Variants in TACO1 observed in about 807,000 individuals in gnomAD.
TACO1 encodes translational activator of cytochrome c oxidase 1.
TACO1 carries 13 observed loss-of-function variants against 24.0 expected under a neutral mutation model. That is an observed-to-expected ratio of 0.54 (90% CI 0.35 to 0.86). The LOEUF (loss-of-function observed/expected upper bound fraction) is 0.86. Ranked by LOEUF, TACO1 falls within the 40% of genes least tolerant of loss-of-function variation. The probability of loss-of-function intolerance (pLI) is 0.01; values close to 1 mark genes in which losing one functional copy is unlikely to be tolerated. For synonymous variants in TACO1, 149 were observed against 153.5 expected, an observed-to-expected ratio of 0.97 and a Z score of 0.22; for missense variants, 352 against 380.1, an observed-to-expected ratio of 0.93 and a Z score of 0.61.
intron 2 of TACO1, among the ~76,000 whole-genome samples, chr17:63,605,672 C>T (rs1220306848): frequency 6.6e-6 from 1 of 152,144 alleles, no homozygotes; most frequent in Non-Finnish European, 1.5e-5. Context: ...GTGGAGACAG[C>T]AACTATTTTC....
In TACO1 at chr17:63,607,842, A is replaced by G; in HGVS notation, c.734A>G (p.Lys245Arg). ...DASSLHQVRK[K>R]LDSLGLCSVS... Reference sequence around the variant, plus strand: ...TCTTCACTGCACCAAGTGAGGAAGAAGCTGGACTCCCTGGGCCTGTGTTCT... The same window carrying G: ...TCTTCACTGCACCAAGTGAGGAAGAGGCTGGACTCCCTGGGCCTGTGTTCT... The change falls in exon 5 of 5, where the codon AAG (lysine) becomes AGG (arginine). Residue 245 changes from lysine to arginine, a missense_variant. Physicochemically the swap from Lys to Arg is conservative, Grantham distance 26 (BLOSUM62 2). Transcript: ENST00000258975. 4 of 1,614,186 alleles carry G rather than the reference A, an allele frequency of 2.5e-6. No individual in the cohort carries two copies. Among genetic ancestry groups the G allele is most frequent in the Non-Finnish European group, 3.4e-6 (4 of 1,180,040 alleles).
chr17:63,601,955 T>C (rs1402131312), intron 1 of TACO1, among the ~76,000 whole-genome samples: 1 of 151,990 alleles, frequency 6.6e-6, no homozygotes, highest in Non-Finnish European at 1.5e-5. Flanking sequence ...AAAAGTCCTG[T>C]AGAAAGCATG....
intron 3 of TACO1, 145 bp downstream of exon 3, chr17:63,606,585 G>A (rs948477564): frequency 2.1e-5 from 21 of 1,022,558 alleles, no homozygotes; most frequent in Middle Eastern, 2.5e-4. Flanking sequence ...CACTCTTGTC[G>A]CCCAGGCTGG....
chr17:63,606,924 C>T, intron 3 of TACO1: 1 of 386,536 alleles, frequency 2.6e-6, no homozygotes, highest in Non-Finnish European at 4.9e-6. Context: ...CTAGCAGGAT[C>T]CCAAAGACTT....
chr17:63,606,964 C>T (rs1213923312), intron 3 of TACO1: 1 of 434,706 alleles, frequency 2.3e-6, no homozygotes, highest in South Asian at 2.2e-5. Flanking sequence ...GGATCTTTGT[C>T]CTATTATCCC....
rs1306593798 is a variant in TACO1, at chr17:63,601,884, A to G, written c.280+521A>G. ...TTTGCAGCCATGTCTTTTCTCCCTT[A>G]GGTCGCCACACTGAAAAGGCTTTTT... On this transcript the variant is annotated intron_variant, in intron 1 of 4. Coordinates refer to ENST00000258975, the MANE Select transcript of TACO1 (RefSeq NM_016360.4). Among the ~76,000 whole-genome samples the G allele has an allele frequency of 2.0e-5, 3 of 152,218 alleles. No homozygotes were observed. In the East Asian group the frequency reaches 5.8e-4, roughly 29 times the overall value.
At chr17:63,601,446 C>T (rs966200606) in intron 1 of TACO1, 83 bp downstream of exon 1, 1 of 1,460,968 alleles carries the variant, frequency 6.8e-7, no homozygotes, top group South Asian at 1.2e-5. Flanking sequence ...GAATTGGGCC[C>T]ACCTAGATCT....
chr17:63,601,288 A>T lies in TACO1; in HGVS notation c.205A>T (p.Ile69Phe). ...CAACAAGTGGTCCAAAGTCAGGCAC[A>T]TCAAGGGTCCGAAGGACGTCGAAAG... Reference protein sequence around the residue: ...GHNKWSKVRHIKGPKDVERSR... With the variant: ...GHNKWSKVRHFKGPKDVERSR... The change falls in exon 1 of 5, where the codon ATC becomes TTC. Residue 69 changes from isoleucine to phenylalanine, a missense_variant. Ile to Phe is a conservative substitution (Grantham distance 21). Transcript: ENST00000258975. 1 of 1,612,946 alleles carries T rather than the reference A, an allele frequency of 6.2e-7. No homozygotes were observed. Among genetic ancestry groups the T allele is most frequent in the Non-Finnish European group, 8.5e-7 (1 of 1,179,922 alleles).
chr17:63,600,902 G>T lies in TACO1; in HGVS notation c.-182G>T. The T allele has an allele frequency of 1.6e-6, 1 of 628,240 alleles. No individual in the cohort carries two copies. The highest frequency in any genetic ancestry group is 2.7e-6 in the Non-Finnish European group (1 of 371,784). The allele number at this position is 628,240 out of a possible 1,614,324, so 38.9% of individuals were successfully genotyped here. On this transcript the variant is annotated 5_prime_UTR_variant, in exon 1 of 5. Transcript: ENST00000258975. ...ACGCCATCAAGGGCCCCCAGTCCCG[G>T]GTGCCGCGGGGACAGTGTAGGGTCA...
intron 1 of TACO1, among the ~76,000 whole-genome samples, chr17:63,601,718 C>T (rs2033823172): frequency 6.6e-6 from 1 of 152,134 alleles, no homozygotes; most frequent in South Asian, 2.1e-4. Flanking sequence ...GACAAATCAA[C>T]CCCTCTGAAG....
chr17:63,607,248 A>C (rs970718067), intron 3 of TACO1, 39 bp from the exon 4 acceptor site: 1 of 1,581,874 alleles, frequency 6.3e-7, no homozygotes, highest in African/African-American at 1.3e-5. Flanking sequence ...GAGCTTCTAG[A>C]GGCATCCACT....
intron 3 of TACO1, chr17:63,606,689 A>C (rs538350833): frequency 1.2e-5 from 6 of 502,888 alleles, no homozygotes; most frequent in Middle Eastern, 5.5e-4. Context: ...GGGATTAAAG[A>C]TACCCACAGC....
chr17:63,606,328 T>A lies in TACO1; in HGVS notation c.403T>A (p.Tyr135Asn). The change falls in exon 3 of 5, where the codon TAT becomes AAT. Residue 135 changes from tyrosine to asparagine, a missense_variant. Transcript: ENST00000258975. ...ALKMEKSKDT[Y>N]LLYEGRGPGG... The stretch of plus-strand genomic sequence containing the variant: ...TTTATTGCAGAAATCCAAGGACACT[T>A]ATTTGCTGTATGAGGGTCGAGGCCC... 1 of 1,613,644 alleles carries A rather than the reference T, an allele frequency of 6.2e-7. No homozygotes were observed. The highest frequency in any genetic ancestry group is 8.5e-7 in the Non-Finnish European group (1 of 1,180,040).
intron 1 of TACO1, 101 bp downstream of exon 1, chr17:63,601,464 T>C: frequency 7.5e-7 from 1 of 1,336,186 alleles, no homozygotes; most frequent in Non-Finnish European, 1.0e-6. Context: ...TCTCCGGCCC[T>C]TCACTTTGTT....
At chr17:63,607,182 C>A in intron 3 of TACO1, 105 bp from the exon 4 acceptor site, 1 of 1,060,616 alleles carries the variant, frequency 9.4e-7, no homozygotes, top group Non-Finnish European at 1.4e-6. Context: ...TCTGTGTGTA[C>A]TTCATAGACT....
rs2033877934 is a variant in TACO1 at position 63,608,096 on chromosome 17, T to TGGGAGGCTCAGCAGGCC, written c.*95_*111dup. On this transcript the variant is annotated 3_prime_UTR_variant, in exon 5 of 5. Coordinates refer to ENST00000258975, the MANE Select transcript of TACO1 (RefSeq NM_016360.4). ...CAGCAATCTCTGAGGGTAAAGCCGG[T>TGGGAGGCTCAGCAGGCC]GGGAGGCTCAGCAGGCCAGGAGGCC... is the stretch of plus-strand genomic sequence containing the variant. 1 of 1,441,676 alleles carries TGGGAGGCTCAGCAGGCC rather than the reference T, an allele frequency of 6.9e-7. No homozygotes were observed. The highest frequency in any genetic ancestry group is 9.6e-7 in the Non-Finnish European group (1 of 1,043,504). 89.3% of individuals were successfully genotyped at this position (1,441,676 alleles called of 1,614,324 possible).
At position 63,607,908 on chromosome 17, in the gene TACO1, AG is replaced by A. The variant is rs1461687370; in HGVS notation, c.801del (p.Gln267HisfsTer23). The A allele has an allele frequency of 2.5e-6, 4 of 1,614,118 alleles. No homozygotes were observed. The highest frequency in any genetic ancestry group is 3.4e-6 in the Non-Finnish European group (4 of 1,180,048). ...GAGTTCATCCCCAACTCAAAGGTGC[AG>A]CTGGCTGAGCCCGACCTGGAACAGG... ...ALEFIPNSKV[Q>X]LAEPDLEQAA... On this transcript the variant is annotated frameshift_variant, in exon 5 of 5. Transcript: ENST00000258975. LOFTEE classifies it high-confidence loss of function.
chr17:63,601,048 C>T lies in TACO1; in HGVS notation c.-36C>T. 1.3e-6 allele frequency: 2 copies of T among 1,536,500 alleles called. No individual in the cohort carries two copies. Among genetic ancestry groups the T allele is most frequent in the South Asian group, 1.2e-5 (1 of 83,804 alleles). ...GGAAGAGACGCGCCGGCGTTGGCCG[C>T]TGCTGCTAGCAGCTTGAACCCCAGG... On this transcript the variant is annotated 5_prime_UTR_variant, in exon 1 of 5. Transcript: ENST00000258975.
Position 63,608,304 on chromosome 17 carries a change from G to A in TACO1, c.*302G>A. On this transcript the variant is annotated 3_prime_UTR_variant, in exon 5 of 5. Transcript: ENST00000258975. ...GCTGGCCTCTGTGGGGATTGTAAGT[G>A]CCCTGAGGCGCTCTGTACTAGAAAC... 4.3e-6 allele frequency: 2 copies of A among 462,802 alleles called. No individual in the cohort carries two copies. Among genetic ancestry groups the A allele is most frequent in the Non-Finnish European group, 8.0e-6 (2 of 250,384 alleles). 28.7% of individuals were successfully genotyped at this position (462,802 alleles called of 1,614,324 possible). A position where few individuals can be genotyped will look rare whatever the true frequency, so the allele number is the denominator to read the frequency against.
Sources: allele counts gnomAD v4.1 joint callset (sites outside exome capture counted in the v4.1 genomes callset), GRCh38; gene constraint gnomAD v4.1.1; transcripts MANE v1.5; gene names NCBI Gene and HGNC (gene_info 2026-07-23, HGNC 2026-07-21).